The following PLCB1 variants were observed in gnomAD, a reference collection of about 807,000 sequenced individuals.
PLCB1 encodes 1-phosphatidylinositol 4,5-bisphosphate phosphodiesterase beta-1.
In PLCB1, 46 loss-of-function variants were observed where a neutral mutation model predicts 161.8. The ratio of observed to expected loss-of-function variants is 0.28; its 90% CI spans 0.22 to 0.36. The LOEUF (loss-of-function observed/expected upper bound fraction) is 0.36, where lower values mean the gene tolerates loss of function less well. PLCB1 is among the 10% of genes least tolerant of loss of function. PLCB1 has a pLI of 1.00. For missense variants in PLCB1, 1,016 were observed against 1,472.5 expected, an observed-to-expected ratio of 0.69 and a Z score of 5.07; for synonymous variants, 517 against 503.7, an observed-to-expected ratio of 1.03 and a Z score of -0.35.
At position 8,532,116 on chromosome 20, in the gene PLCB1, T is replaced by C. The variant is rs545344044; in HGVS notation, c.247-96178T>C. ...TTTGTTTCCTACCTTAATCTAAAAT[T>C]AGTGTCTTATTTGCCAGTCTAATAT... is the stretch of plus-strand genomic sequence containing the variant. On this transcript the variant is annotated intron_variant, in intron 3 of 31. Transcript: ENST00000338037. Among the ~76,000 whole-genome samples the C allele has an allele frequency of 5.3e-4, 80 of 152,280 alleles. 1 individual carries two copies. The South Asian group carries it at 6.0e-3, about 11-fold the overall frequency.
At chr20:8,519,874 T>A (rs2122878737) in intron 3 of PLCB1, among the ~76,000 whole-genome samples, 1 of 152,336 alleles carries the variant, frequency 6.6e-6, no homozygotes, top group African/African-American at 2.4e-5. Flanking sequence ...GTTGGATATT[T>A]CCTGATCAAT....
At chr20:8,770,369 C>G (rs1451471299) in intron 26 of PLCB1, among the ~76,000 whole-genome samples, 1 of 152,330 alleles carries the variant, frequency 6.6e-6, no homozygotes, top group African/African-American at 2.4e-5. Context: ...AGTTACACAG[C>G]CAGTTCAAGC....
At chr20:8,557,163 G>T (rs1262920018) in intron 3 of PLCB1, among the ~76,000 whole-genome samples, 1 of 151,642 alleles carries the variant, frequency 6.6e-6, no homozygotes, top group Non-Finnish European at 1.5e-5. Flanking sequence ...TAAACATAGA[G>T]TTACCATATA....
rs190787288 is a variant in PLCB1 at position 8,772,134 on chromosome 20, G to A, written c.2931-2405G>A. On this transcript the variant is annotated intron_variant, in intron 26 of 31. Transcript: ENST00000338037. ...GGGTTCAAGTGATCTGCCCACCTCG[G>A]CCCCCAAAAGTGCTGGAATTACAGG... Among the ~76,000 whole-genome samples the A allele has an allele frequency of 5.2e-3, 778 of 150,588 alleles. 4 individuals are homozygous for A. The highest frequency in any genetic ancestry group is 0.01 in the Middle Eastern group (3 of 290).
chr20:8,712,798 C>T (rs1051774719), intron 12 of PLCB1, among the ~76,000 whole-genome samples: 6 of 152,162 alleles, frequency 3.9e-5, no homozygotes, highest in African/African-American at 7.2e-5. Context: ...CTGCCCCAGA[C>T]GCTCACACCT....
At chr20:8,547,865 C>G (rs536995596) in intron 3 of PLCB1, among the ~76,000 whole-genome samples, 2 of 152,354 alleles carry the variant, frequency 1.3e-5, no homozygotes, top group South Asian at 2.1e-4. Flanking sequence ...TCTACATGCT[C>G]TAGCCCCACT....
At chr20:8,853,450 A>G (rs1986957522) in intron 31 of PLCB1, among the ~76,000 whole-genome samples, 1 of 152,184 alleles carries the variant, frequency 6.6e-6, no homozygotes, top group Admixed American at 6.5e-5. Context: ...CTGTTTTGCA[A>G]CTTTATATAA....
intron 2 of PLCB1, among the ~76,000 whole-genome samples, chr20:8,219,507 TA>T (rs1261084069): frequency 6.6e-6 from 1 of 152,128 alleles, no homozygotes; most frequent in Non-Finnish European, 1.5e-5. Context: ...AAGCATTTGT[TA>T]AATGGGCAGG....
intron 2 of PLCB1, among the ~76,000 whole-genome samples, chr20:8,320,018 A>C (rs1253619065): frequency 6.6e-6 from 1 of 152,096 alleles, no homozygotes; most frequent in Non-Finnish European, 1.5e-5. Flanking sequence ...TTTTTAAAAA[A>C]AGAAAGAAAG....
chr20:8,350,297 G>A lies in PLCB1; in HGVS notation c.178-21085G>A, dbSNP rs1986142101. Among the ~76,000 whole-genome samples, 3 of 152,160 alleles carry A rather than the reference G, an allele frequency of 2.0e-5. No individual in the cohort carries two copies. The South Asian group carries it at 6.2e-4, about 32-fold the overall frequency. On this transcript the variant is annotated intron_variant, in intron 2 of 31. Transcript: ENST00000338037. The stretch of plus-strand genomic sequence containing the variant: ...GGTGTTTGCCCCACAGTGTGTCCAT[G>A]TGTACTCATCATTCAGCTTCCACTC...
intron 3 of PLCB1, among the ~76,000 whole-genome samples, chr20:8,536,707 G>T (rs1322433598): frequency 1.3e-5 from 2 of 152,322 alleles, no homozygotes; most frequent in South Asian, 2.1e-4. Context: ...AAGGCAAGAA[G>T]AAAGTGCCAG....
chr20:8,546,828 AAG>A (rs1162835595), intron 3 of PLCB1, among the ~76,000 whole-genome samples: 4 of 152,256 alleles, frequency 2.6e-5, no homozygotes, highest in South Asian at 2.1e-4. Context: ...GTTTTCCAAA[AAG>A]AGTTTTTTTT....
chr20:8,347,926 C>T (rs1016442883), intron 2 of PLCB1, among the ~76,000 whole-genome samples: 1 of 151,582 alleles, frequency 6.6e-6, no homozygotes, highest in Non-Finnish European at 1.5e-5. Context: ...GAGCCGAGAT[C>T]GTGCCACTGC....
At chr20:8,469,695 T>G (rs898736989) in intron 3 of PLCB1, among the ~76,000 whole-genome samples, 6 of 152,202 alleles carry the variant, frequency 3.9e-5, no homozygotes, top group Non-Finnish European at 8.8e-5. Flanking sequence ...AGCTTTGCTT[T>G]GTTTCACAGC....
intron 3 of PLCB1, among the ~76,000 whole-genome samples, chr20:8,492,222 A>G (rs1428444461): frequency 1.3e-5 from 2 of 151,772 alleles, no homozygotes; most frequent in Non-Finnish European, 1.5e-5. Context: ...AAAGAAAATT[A>G]AGCTACCCAC....
At chr20:8,398,524 G>T (rs77955386) in intron 3 of PLCB1, among the ~76,000 whole-genome samples, 3 of 152,126 alleles carry the variant, frequency 2.0e-5, no homozygotes, top group Non-Finnish European at 2.9e-5. Flanking sequence ...TTGGTTTGCA[G>T]TTGGCTGCAT....
chr20:8,375,717 G>A (rs528673348), intron 3 of PLCB1, among the ~76,000 whole-genome samples: 47 of 152,196 alleles, frequency 3.1e-4, no homozygotes, highest in South Asian at 6.2e-4. Context: ...ATTAACAGGC[G>A]TAAGGAAGTT....
intron 3 of PLCB1, among the ~76,000 whole-genome samples, chr20:8,438,372 T>C (rs1342819077): frequency 6.6e-6 from 1 of 152,314 alleles, no homozygotes; most frequent in Non-Finnish European, 1.5e-5. Flanking sequence ...AAAACATTTT[T>C]AGACATAGCG....
chr20:8,202,933 A>T (rs946325910), intron 2 of PLCB1, among the ~76,000 whole-genome samples: 2 of 152,138 alleles, frequency 1.3e-5, no homozygotes, highest in Non-Finnish European at 2.9e-5. Flanking sequence ...GTTGTATTTC[A>T]TATGAGGGGG....
Sources: gnomAD v4.1 joint callset for allele counts (sites outside exome capture counted in the v4.1 genomes callset) on GRCh38, gnomAD v4.1.1 for gene constraint, MANE v1.5 for transcripts, NCBI Gene and HGNC (gene_info 2026-07-23, HGNC 2026-07-21) for gene names.